Variants in ECI2 observed in about 807,000 individuals in gnomAD.
ECI2 encodes the protein enoyl-CoA delta isomerase 2.
A neutral mutation model predicts 38.4 loss-of-function variants in ECI2; 27 were observed. The ratio of observed to expected loss-of-function variants is 0.70; its 90% CI spans 0.52 to 0.97. The LOEUF (loss-of-function observed/expected upper bound fraction) is 0.97. ECI2 is among the 50% of genes least tolerant of loss of function. ECI2 has a pLI of 0.00. For missense variants in ECI2, 470 were observed against 474.4 expected, an observed-to-expected ratio of 0.99 and a Z score of 0.09; for synonymous variants, 168 against 172.0, an observed-to-expected ratio of 0.98 and a Z score of 0.18.
intron 4 of ECI2, chr6:4,130,021 G>T: frequency 8.4e-7 from 1 of 1,186,590 alleles, no homozygotes; most frequent in Non-Finnish European, 1.2e-6. Flanking sequence ...TTACTTTCAT[G>T]TCTAAGTGAC....
intron 4 of ECI2, among the ~76,000 whole-genome samples, chr6:4,128,158 C>T (rs1474785137): frequency 6.6e-6 from 1 of 151,618 alleles, no homozygotes; most frequent in African/African-American, 2.4e-5. Context: ...TTGGAATTAA[C>T]ATGTTCAAAT....
At chr6:4,133,094 A>T (rs1773568643) in intron 2 of ECI2, among the ~76,000 whole-genome samples, 3 of 151,988 alleles carry the variant, frequency 2.0e-5, no homozygotes, top group African/African-American at 4.8e-5. Context: ...GTGCTTAGAG[A>T]ACTTCAACTA....
intron 1 of ECI2, 180 bp from the exon 2 acceptor site, chr6:4,133,891 T>A (rs1773608486): frequency 1.6e-6 from 1 of 628,170 alleles, no homozygotes; most frequent in Non-Finnish European, 2.5e-6. Context: ...AGATAATAAG[T>A]CAATACAGAA....
At chr6:4,135,227 G>A in intron 1 of ECI2, 2 of 904,622 alleles carry the variant, frequency 2.2e-6, no homozygotes, top group Non-Finnish European at 1.7e-6. Flanking sequence ...CCAGGAGGAT[G>A]GGAGCGTGCG....
chr6:4,130,597 C>A, intron 3 of ECI2, 37 bp from the exon 4 acceptor site: 1 of 1,613,880 alleles, frequency 6.2e-7, no homozygotes, highest in South Asian at 1.1e-5. Flanking sequence ...AGCCCATGGT[C>A]AATGAATAAG....
intron 7 of ECI2, among the ~76,000 whole-genome samples, chr6:4,124,593 C>T (rs1459723549): frequency 6.6e-6 from 1 of 152,078 alleles, no homozygotes; most frequent in Non-Finnish European, 1.5e-5. Flanking sequence ...ATAACCCAAA[C>T]GTTAGGACTG....
At chr6:4,123,116 T>C (rs1236832455) in intron 7 of ECI2, among the ~76,000 whole-genome samples, 1 of 152,178 alleles carries the variant, frequency 6.6e-6, no homozygotes, top group Non-Finnish European at 1.5e-5. Context: ...TGGTAAATCT[T>C]ATAAAACAAT....
intron 7 of ECI2, among the ~76,000 whole-genome samples, chr6:4,119,616 T>A (rs34200917): frequency 0.11 from 17,193 of 152,216 alleles, 1,282 homozygotes; most frequent in African/African-American, 0.19. Context: ...CCACCATGCC[T>A]GGCTTCATGT....
intron 9 of ECI2, among the ~76,000 whole-genome samples, chr6:4,116,418 T>G (rs892286256): frequency 7.0e-6 from 1 of 143,132 alleles, no homozygotes; most frequent in Non-Finnish European, 1.5e-5. Context: ...GTTTCTCCCA[T>G]GTTCATTTAA....
In ECI2 at chr6:4,125,283, AAGGAGGGTGACGGAGAT is replaced by A. The variant is rs1773071484; in HGVS notation, c.745_761del (p.Ile249TrpfsTer10). The A allele has an allele frequency of 6.2e-7, 1 of 1,614,058 alleles. No homozygotes were observed. Among genetic ancestry groups the A allele is most frequent in the Non-Finnish European group, 8.5e-7 (1 of 1,180,052 alleles). On this transcript the variant is annotated frameshift_variant, in exon 7 of 10. Transcript: ENST00000380118. LOFTEE classifies it high-confidence loss of function. ...ATGCATACACGGCATCGAATAGCCC[AAGGAGGGTGACGGAGAT>A]GCCCACAGCTGGACCATTGACCACT... is the stretch of plus-strand genomic sequence containing the variant.
intron 1 of ECI2, chr6:4,135,307 C>T: frequency 7.0e-7 from 1 of 1,433,512 alleles, no homozygotes; most frequent in Non-Finnish European, 9.3e-7. Flanking sequence ...CGCGCCCATC[C>T]TGACCACTCC....
chr6:4,119,057 GA>G, intron 8 of ECI2, 128 bp downstream of exon 8: 1 of 769,414 alleles, frequency 1.3e-6, no homozygotes, highest in Non-Finnish European at 2.0e-6. Context: ...TTAAAGAGTT[GA>G]AAAGCAAATC....
At chr6:4,125,944 T>G (rs1444652031) in intron 6 of ECI2, 191 bp downstream of exon 6, 1 of 683,184 alleles carries the variant, frequency 1.5e-6, no homozygotes, top group Non-Finnish European at 2.7e-6. Context: ...GATGAACAGG[T>G]AACAGAGGTC....
rs141813504 is a variant in ECI2 at position 4,133,564 on chromosome 6, G to A, written c.198C>T (p.Tyr66=). 484 of 1,612,660 alleles carry A rather than the reference G, an allele frequency of 3.0e-4. No individual in the cohort carries two copies. The highest frequency in any genetic ancestry group is 1.4e-3 in the South Asian group (127 of 90,750). The change falls in exon 2 of 10, where the codon TAC becomes TAT. Residue 66 remains tyrosine (Y), a synonymous_variant. Coordinates refer to ENST00000380118, the MANE Select transcript of ECI2 (RefSeq NM_206836.3). ...AGGCATTTACCTGCTTATATAGCGC[G>A]TAGAGTTTTAGCTTCACTTCGTTTC... ...DPGNEVKLKL[Y]ALYKQATEGP...
At chr6:4,133,838 G>C in intron 1 of ECI2, 127 bp from the exon 2 acceptor site, 1 of 1,170,098 alleles carries the variant, frequency 8.5e-7, no homozygotes, top group Non-Finnish European at 1.1e-6. Context: ...CTTTATACTT[G>C]CCTCAGCAAA....
At chr6:4,133,254 C>A (rs139983068) in intron 2 of ECI2, among the ~76,000 whole-genome samples, 6 of 152,232 alleles carry the variant, frequency 3.9e-5, no homozygotes, top group Admixed American at 3.9e-4. Flanking sequence ...CTTAAAAATA[C>A]CTTTTTCAGT....
chr6:4,127,012 A>C (rs994157408), intron 5 of ECI2, among the ~76,000 whole-genome samples: 9 of 152,158 alleles, frequency 5.9e-5, no homozygotes, highest in Admixed American at 4.6e-4. Context: ...TCTGACTTCA[A>C]TTTCCACAGA....
chr6:4,132,201 T>C (rs1773534392), intron 2 of ECI2, among the ~76,000 whole-genome samples: 1 of 152,042 alleles, frequency 6.6e-6, no homozygotes. Flanking sequence ...CAGGATGGAG[T>C]CTGGGGCAGT....
At chr6:4,124,173 A>C (rs539413744) in intron 7 of ECI2, among the ~76,000 whole-genome samples, 1 of 152,306 alleles carries the variant, frequency 6.6e-6, no homozygotes, top group East Asian at 1.9e-4. Context: ...AAAGACATTG[A>C]TTTCTGCCTT....
Sources: allele counts gnomAD v4.1 joint callset (sites outside exome capture counted in the v4.1 genomes callset), GRCh38; gene constraint gnomAD v4.1.1; transcripts MANE v1.5; gene names NCBI Gene and HGNC (gene_info 2026-07-23, HGNC 2026-07-21).